CUX1: variants seen among roughly 807,000 people sequenced by gnomAD.
CUX1 encodes cut like homeobox 1.
A neutral mutation model predicts 158.8 loss-of-function variants in CUX1; 31 were observed. That is an observed-to-expected ratio of 0.20 (90% CI 0.15 to 0.26). The LOEUF (loss-of-function observed/expected upper bound fraction) is 0.26. CUX1 is among the 10% of genes least tolerant of loss of function. The pLI, the probability that CUX1 is intolerant of heterozygous loss-of-function variation, is 1.00. For missense variants in CUX1, 1,589 were observed against 2,014.6 expected, an observed-to-expected ratio of 0.79 and a Z score of 4.04; for synonymous variants, 879 against 862.1, an observed-to-expected ratio of 1.02 and a Z score of -0.34.
chr7:102,039,239 G>A (rs964447283), intron 3 of CUX1, among the ~76,000 whole-genome samples: 12 of 152,168 alleles, frequency 7.9e-5, no homozygotes, highest in Non-Finnish European at 2.9e-5. Context: ...ACCCGAGAGA[G>A]GATTCCAAGT....
In CUX1 at chr7:102,283,263, G is replaced by A. The variant is rs150278456; in HGVS notation, c.*173G>A. ...CGGGTCCCCTTGAAAGAATGTCTCGGTCACATCAGGCCCGCTAGGTCCAGA... is the reference window on the plus strand; with the variant it reads ...CGGGTCCCCTTGAAAGAATGTCTCGATCACATCAGGCCCGCTAGGTCCAGA... On this transcript the variant is annotated 3_prime_UTR_variant, in exon 23 of 23. Transcript: ENST00000292538. The A allele has an allele frequency of 1.4e-4, 88 of 631,816 alleles. No individual in the cohort carries two copies. In the East Asian group the frequency reaches 2.4e-3, roughly 17 times the overall value. The allele number at this position is 631,816 out of a possible 1,614,324, so 39.1% of individuals were successfully genotyped here.
intron 4 of CUX1, among the ~76,000 whole-genome samples, chr7:102,091,891 G>A (rs1476190245): frequency 6.6e-6 from 1 of 152,146 alleles, no homozygotes; most frequent in Non-Finnish European, 1.5e-5. Flanking sequence ...AAATAGCTGG[G>A]ACTACAGGTA....
intron 1 of CUX1, among the ~76,000 whole-genome samples, chr7:101,829,945 G>A (rs1793792173): frequency 6.6e-6 from 1 of 152,156 alleles, no homozygotes; most frequent in African/African-American, 2.4e-5. Context: ...GACAGTTTTG[G>A]GGAACTGTTA....
chr7:102,113,838 G>T (rs557356092), intron 7 of CUX1, among the ~76,000 whole-genome samples: 2 of 152,258 alleles, frequency 1.3e-5, no homozygotes, highest in African/African-American at 4.8e-5. Context: ...AATGCTGGGG[G>T]ATTACAGGTG....
chr7:102,251,094 TGTA>T lies in CUX1; in HGVS notation c.*2055_*2057del, dbSNP rs782077361. On this transcript the variant is annotated 3_prime_UTR_variant, in exon 24 of 24. Transcript: ENST00000292535. ...GCAGTATTGGGTATAATTTACAAGA[TGTA>T]GTTGTCATACTGTATATTACTGATT... is the stretch of plus-strand genomic sequence containing the variant. 4.8e-5 allele frequency: 47 copies of T among 985,290 alleles called. No individual in the cohort carries two copies. Among genetic ancestry groups the T allele is most frequent in the Non-Finnish European group, 5.7e-5 (47 of 829,910 alleles). 61.0% of individuals were successfully genotyped at this position (985,290 alleles called of 1,614,324 possible).
chr7:102,127,786 C>T (rs1832807387), intron 8 of CUX1, among the ~76,000 whole-genome samples: 2 of 152,144 alleles, frequency 1.3e-5, no homozygotes, highest in South Asian at 4.1e-4. Context: ...CCTGTTCTTT[C>T]TATGCCTTCA....
intron 20 of CUX1, among the ~76,000 whole-genome samples, chr7:102,216,002 A>G (rs145396889): frequency 2.1e-3 from 319 of 152,304 alleles, no homozygotes; most frequent in Non-Finnish European, 3.0e-3. Context: ...TCGGAAAGAA[A>G]ACAACATTTA....
chr7:102,134,113 T>A (rs1554498132), intron 8 of CUX1, among the ~76,000 whole-genome samples: 2 of 152,192 alleles, frequency 1.3e-5, no homozygotes, highest in African/African-American at 2.4e-5. Context: ...GGTGGGCAGA[T>A]CACTTTGAGG....
chr7:102,258,217 C>A lies in CUX1; in HGVS notation c.*9175C>A, dbSNP rs1403121456. ...TAGGTGTGATAATTGAAGTAAATATCTTTTATACAAACACAAGAATGTGTG... is the reference window on the plus strand; with the variant it reads ...TAGGTGTGATAATTGAAGTAAATATATTTTATACAAACACAAGAATGTGTG... On this transcript the variant is annotated 3_prime_UTR_variant, in exon 24 of 24. Transcript: ENST00000292535. 1.0e-6 allele frequency: 1 copy of A among 979,036 alleles called. No individual in the cohort carries two copies. Among genetic ancestry groups the A allele is most frequent in the African/African-American group, 1.8e-5 (1 of 57,074 alleles). The allele number at this position is 979,036 out of a possible 1,614,324, so 60.6% of individuals were successfully genotyped here. A position where few individuals can be genotyped will look rare whatever the true frequency, so the allele number is the denominator to read the frequency against.
intron 1 of CUX1, among the ~76,000 whole-genome samples, chr7:101,879,754 G>A (rs940467630): frequency 3.3e-5 from 5 of 152,268 alleles, no homozygotes; most frequent in Non-Finnish European, 4.4e-5. Flanking sequence ...AGGGTCCTTG[G>A]TGGAGCTCCA....
At chr7:102,024,128 G>GAGC (rs1254282225) in intron 2 of CUX1, among the ~76,000 whole-genome samples, 3 of 152,228 alleles carry the variant, frequency 2.0e-5, no homozygotes, top group Non-Finnish European at 4.4e-5. Flanking sequence ...GGTAACCCAG[G>GAGC]AGCATGCCTG....
At position 101,817,729 on chromosome 7, in the gene CUX1, CGG is replaced by C. The variant is rs1792030001; in HGVS notation, c.30+65_30+66del. ...CAGGCGCGGAGGGAACCGGGGATGT[CGG>C]GGGGTGCCCGGGTCCCGCGGCTTAG... On this transcript the variant is annotated intron_variant, in intron 1 of 23. Coordinates refer to ENST00000292535, the MANE Select transcript of CUX1 (RefSeq NM_181552.4). The surrounding 1 kb of genome is among the most constrained non-coding windows in gnomAD (Gnocchi z 4.1). 5 of 1,538,908 alleles carry C rather than the reference CGG, an allele frequency of 3.2e-6. No homozygotes were observed. In the Admixed American group the frequency reaches 7.9e-5, roughly 24 times the overall value.
chr7:102,027,235 A>G (rs1244619245), intron 2 of CUX1, among the ~76,000 whole-genome samples: 2 of 151,990 alleles, frequency 1.3e-5, no homozygotes, highest in Admixed American at 6.6e-5. Context: ...AAATACAAAC[A>G]TTAGCCGGGC....
chr7:101,913,373 G>A (rs191438200), intron 1 of CUX1: 776 of 1,268,138 alleles, frequency 6.1e-4, no homozygotes, highest in Non-Finnish European at 7.5e-4. Context: ...GCAGACCCCC[G>A]TTGAGTCCCC....
At chr7:101,921,993 T>C (rs1805002254) in intron 2 of CUX1, among the ~76,000 whole-genome samples, 1 of 151,866 alleles carries the variant, frequency 6.6e-6, no homozygotes. Flanking sequence ...TGGTGTACAC[T>C]TGTAGTCCCA....
At chr7:102,131,393 C>A (rs1554497123) in intron 8 of CUX1, among the ~76,000 whole-genome samples, 1 of 151,876 alleles carries the variant, frequency 6.6e-6, no homozygotes, top group Non-Finnish European at 1.5e-5. Flanking sequence ...GTGGCTCACG[C>A]CTCTAATCCT....
intron 3 of CUX1, among the ~76,000 whole-genome samples, chr7:102,060,133 C>T (rs12537930): frequency 0.15 from 22,274 of 151,772 alleles, 1,714 homozygotes; most frequent in Middle Eastern, 0.22. Context: ...AAAAAAGTAG[C>T]TGGGCGTGGT....
At chr7:102,179,072 A>T (rs1792731090) in intron 11 of CUX1, among the ~76,000 whole-genome samples, 1 of 151,094 alleles carries the variant, frequency 6.6e-6, no homozygotes, top group South Asian at 2.1e-4. Flanking sequence ...TTTGAGACAG[A>T]GTTTCATTCT....
chr7:101,954,770 C>T (rs181401072), intron 2 of CUX1, among the ~76,000 whole-genome samples: 6 of 152,348 alleles, frequency 3.9e-5, no homozygotes, highest in Non-Finnish European at 2.9e-5. Context: ...ATCATGAACA[C>T]ACCTAGTCTG....
Sources: gnomAD v4.1 joint callset for allele counts (sites outside exome capture counted in the v4.1 genomes callset) on GRCh38, gnomAD v4.1.1 for gene constraint, Gnocchi (gnomAD v3.1) non-coding constraint, MANE v1.5 for transcripts, NCBI Gene and HGNC (gene_info 2026-07-23, HGNC 2026-07-21) for gene names.